MAPK4: variants seen among roughly 807,000 people sequenced by gnomAD.
The protein encoded by MAPK4 is mitogen-activated protein kinase 4.
A neutral mutation model predicts 47.7 loss-of-function variants in MAPK4; 22 were observed. The observed-to-expected ratio is 0.46, with a 90% CI of 0.33 to 0.66. The LOEUF (loss-of-function observed/expected upper bound fraction) is 0.66. MAPK4 is among the 30% of genes least tolerant of loss of function. MAPK4 has a pLI of 0.02. For synonymous variants in MAPK4, 390 were observed against 365.7 expected, an observed-to-expected ratio of 1.07 and a Z score of -0.76; for missense variants, 736 against 831.7, an observed-to-expected ratio of 0.88 and a Z score of 1.42.
intron 5 of MAPK4, 73 bp downstream of exon 5, chr18:50,726,248 T>G (rs1911193454): frequency 7.0e-7 from 1 of 1,431,658 alleles, no homozygotes; most frequent in South Asian, 1.2e-5. Flanking sequence ...TAATCCTCCG[T>G]GACCTTCCCC....
rs182860372 is a variant in MAPK4, at chr18:50,688,090, G to C, written c.546+23586G>C. The stretch of plus-strand genomic sequence containing the variant: ...CCAGCTTGGTGCTGGCACTTCTCTG[G>C]GGTATAGACATCTAATGACTGAGTC... On this transcript the variant is annotated intron_variant, in intron 2 of 5. Coordinates refer to ENST00000400384, the MANE Select transcript of MAPK4 (RefSeq NM_002747.4). Among the ~76,000 whole-genome samples, 1,085 of 152,286 alleles carry C rather than the reference G, an allele frequency of 7.1e-3. 15 individuals carry two copies. Among genetic ancestry groups the C allele is most frequent in the African/African-American group, 0.025 (1,043 of 41,560 alleles).
rs1191228725 is a variant in MAPK4 at position 50,643,708 on chromosome 18, TTTCATGCA to T, written c.-870-19380_-870-19373del. ...GGGTGGTGGAAGGAGGCTTCAGTAGTTTCATGCAAGCCTCAAGTAATCCCATGGTTTTA... is the reference window on the plus strand; with the variant it reads ...GGGTGGTGGAAGGAGGCTTCAGTAGTAGCCTCAAGTAATCCCATGGTTTTA... On this transcript the variant is annotated intron_variant, in intron 1 of 5. Coordinates refer to ENST00000400384, the MANE Select transcript of MAPK4 (RefSeq NM_002747.4). 2.6e-5 allele frequency among the ~76,000 whole-genome samples: 4 copies of T among 152,188 alleles called. No homozygotes were observed. In the East Asian group the frequency reaches 7.7e-4, roughly 29 times the overall value.
chr18:50,632,308 T>G (rs2042838293), intron 1 of MAPK4, among the ~76,000 whole-genome samples: 1 of 152,208 alleles, frequency 6.6e-6, no homozygotes, highest in Admixed American at 6.5e-5. Flanking sequence ...TTCTCTTCAG[T>G]GAGGGGAGGC....
At chr18:50,713,662 C>G (rs183097318) in intron 2 of MAPK4, among the ~76,000 whole-genome samples, 1 of 152,332 alleles carries the variant, frequency 6.6e-6, no homozygotes, top group East Asian at 1.9e-4. Flanking sequence ...GAAACAGCAA[C>G]AAAACAAGGA....
chr18:50,709,397 G>T (rs1910231399), intron 2 of MAPK4, among the ~76,000 whole-genome samples: 1 of 152,232 alleles, frequency 6.6e-6, no homozygotes, highest in Non-Finnish European at 1.5e-5. Context: ...AGAGCCTGCA[G>T]CCTCCTTGCT....
At position 50,614,915 on chromosome 18, in the gene MAPK4, G is replaced by A. The variant is rs549488704; in HGVS notation, c.-870-48174G>A. ...TGTTACATTGCTGGTCTCTGAGGGAGGAGTTGTTGAGTCAATACTTAAGGG... is the reference window on the plus strand; with the variant it reads ...TGTTACATTGCTGGTCTCTGAGGGAAGAGTTGTTGAGTCAATACTTAAGGG... On this transcript the variant is annotated intron_variant, in intron 1 of 5. Coordinates refer to ENST00000400384, the MANE Select transcript of MAPK4 (RefSeq NM_002747.4). 2.0e-5 allele frequency among the ~76,000 whole-genome samples: 3 copies of A among 152,312 alleles called. No individual in the cohort carries two copies. The East Asian group carries it at 5.8e-4, about 29-fold the overall frequency.
chr18:50,563,875 AAT>A (rs2042175750), intron 1 of MAPK4, among the ~76,000 whole-genome samples: 1 of 152,138 alleles, frequency 6.6e-6, no homozygotes, highest in African/African-American at 2.4e-5. Flanking sequence ...CTTTCTCTTA[AAT>A]ATGAATGTAG....
At chr18:50,677,192 G>A (rs776233654) in intron 2 of MAPK4, among the ~76,000 whole-genome samples, 23 of 152,138 alleles carry the variant, frequency 1.5e-4, no homozygotes, top group Non-Finnish European at 2.6e-4. Context: ...TCCTCTTCCC[G>A]GTCCGTGGAA....
At position 50,580,622 on chromosome 18, in the gene MAPK4, C is replaced by T. The variant is rs551894296; in HGVS notation, c.-871+20379C>T. On this transcript the variant is annotated intron_variant, in intron 1 of 5. Coordinates refer to ENST00000400384, the MANE Select transcript of MAPK4 (RefSeq NM_002747.4). ...CTTCCATCTGCTGTTTGTTTCTGAG[C>T]GAAGCTTGCCCTACAGTGGGAACCA... Among the ~76,000 whole-genome samples, 20 of 152,254 alleles carry T rather than the reference C, an allele frequency of 1.3e-4. No homozygotes were observed. In the East Asian group the frequency reaches 3.1e-3, roughly 23 times the overall value.
At chr18:50,662,269 C>A (rs2043180292) in intron 1 of MAPK4, among the ~76,000 whole-genome samples, 1 of 152,236 alleles carries the variant, frequency 6.6e-6, no homozygotes, top group Non-Finnish European at 1.5e-5. Context: ...TATTACCTTA[C>A]TTCAGAGATC....
chr18:50,721,861 C>A, intron 3 of MAPK4, 77 bp from the exon 4 acceptor site: 1 of 1,481,294 alleles, frequency 6.8e-7, no homozygotes, highest in South Asian at 1.2e-5. Flanking sequence ...TCCCAGAACA[C>A]CTGGCACTGC....
At chr18:50,628,077 G>T (rs527302784) in intron 1 of MAPK4, among the ~76,000 whole-genome samples, 1 of 152,164 alleles carries the variant, frequency 6.6e-6, no homozygotes. Context: ...TAGGGTTCCC[G>T]GGCAGTAGGG....
At chr18:50,640,623 G>A (rs982474855) in intron 1 of MAPK4, among the ~76,000 whole-genome samples, 22 of 151,962 alleles carry the variant, frequency 1.4e-4, no homozygotes, top group Non-Finnish European at 2.8e-4. Flanking sequence ...GCGCCACCAC[G>A]TCTGGCTAAT....
At chr18:50,616,186 G>A (rs905559998) in intron 1 of MAPK4, among the ~76,000 whole-genome samples, 2 of 152,146 alleles carry the variant, frequency 1.3e-5, no homozygotes, top group African/African-American at 2.4e-5. Context: ...GGGGATAAAA[G>A]GGTGGGGCTT....
intron 2 of MAPK4, among the ~76,000 whole-genome samples, chr18:50,671,581 C>T (rs914221988): frequency 2.0e-5 from 3 of 152,008 alleles, no homozygotes; most frequent in South Asian, 2.1e-4. Context: ...CTCTGGTCAG[C>T]GGGGTTTACA....
At chr18:50,693,902 A>G (rs1807989878) in intron 2 of MAPK4, among the ~76,000 whole-genome samples, 1 of 152,110 alleles carries the variant, frequency 6.6e-6, no homozygotes, top group Non-Finnish European at 1.5e-5. Context: ...TTTCCACCAA[A>G]CACATTTTCA....
intron 1 of MAPK4, among the ~76,000 whole-genome samples, chr18:50,656,232 C>T (rs1330663975): frequency 6.6e-6 from 1 of 152,228 alleles, no homozygotes; most frequent in Non-Finnish European, 1.5e-5. Context: ...TACCACGCAG[C>T]TCCTGAGAGT....
intron 1 of MAPK4, among the ~76,000 whole-genome samples, chr18:50,640,822 A>G (rs1432060183): frequency 6.6e-6 from 1 of 151,998 alleles, no homozygotes; most frequent in Non-Finnish European, 1.5e-5. Flanking sequence ...ACACACACAC[A>G]CGCACACACA....
chr18:50,721,846 G>T, intron 3 of MAPK4, 92 bp from the exon 4 acceptor site: 3 of 1,308,520 alleles, frequency 2.3e-6, no homozygotes, highest in Non-Finnish European at 3.2e-6. Flanking sequence ...GCCCTGTGTT[G>T]TCCCTCCCAG....
Sources: allele counts gnomAD v4.1 joint callset (sites outside exome capture counted in the v4.1 genomes callset), GRCh38; gene constraint gnomAD v4.1.1; transcripts MANE v1.5; gene names NCBI Gene and HGNC (gene_info 2026-07-23, HGNC 2026-07-21).